LARP4: variants seen among roughly 807,000 people sequenced by gnomAD.
The protein encoded by LARP4 is la-related protein 4.
A neutral mutation model predicts 92.9 loss-of-function variants in LARP4; 29 were observed. That is an observed-to-expected ratio of 0.31 (90% CI 0.23 to 0.43). The LOEUF (loss-of-function observed/expected upper bound fraction) is 0.43. Ranked by LOEUF, LARP4 falls within the 20% of genes least tolerant of loss-of-function variation. The pLI, the probability that LARP4 is intolerant of heterozygous loss-of-function variation, is 1.00. For missense variants in LARP4, 732 were observed against 860.0 expected, an observed-to-expected ratio of 0.85 and a Z score of 1.86; for synonymous variants, 279 against 284.1, an observed-to-expected ratio of 0.98 and a Z score of 0.18.
chr12:50,475,923 A>T lies in LARP4; in HGVS notation c.*59A>T. 1.4e-6 allele frequency: 2 copies of T among 1,443,486 alleles called. No homozygotes were observed. Among genetic ancestry groups the T allele is most frequent in the Non-Finnish European group, 1.9e-6 (2 of 1,045,650 alleles). 89.4% of individuals were successfully genotyped at this position (1,443,486 alleles called of 1,614,324 possible). On this transcript the variant is annotated 3_prime_UTR_variant, in exon 16 of 16. Coordinates refer to ENST00000398473, the MANE Select transcript of LARP4 (RefSeq NM_052879.5). ...TTCCCATTAAACTTGAACTGTGGCT[A>T]TATTGAACTGTTTTGGAGGGGAGGG...
chr12:50,400,898 G>C lies in LARP4; in HGVS notation c.-113G>C, dbSNP rs774198478. 170 of 1,470,348 alleles carry C rather than the reference G, an allele frequency of 1.2e-4. No homozygotes were observed. Among genetic ancestry groups the C allele is most frequent in the Non-Finnish European group, 1.5e-4 (155 of 1,049,370 alleles). The allele number at this position is 1,470,348 out of a possible 1,614,324, so 91.1% of individuals were successfully genotyped here. A position where few individuals can be genotyped will look rare whatever the true frequency, so the allele number is the denominator to read the frequency against. On this transcript the variant is annotated 5_prime_UTR_variant, in exon 1 of 16. Coordinates refer to ENST00000398473, the MANE Select transcript of LARP4 (RefSeq NM_052879.5). ...CGGCAGGGGAGGAGCCGGGTCCACT[G>C]CCGGGTGGAGGGGCAAGGCGAGTGT...
chr12:50,415,505 A>G (rs1049210878), intron 1 of LARP4, among the ~76,000 whole-genome samples: 1 of 152,122 alleles, frequency 6.6e-6, no homozygotes, highest in Non-Finnish European at 1.5e-5. Context: ...TTGGATATTT[A>G]TAAATTAATT....
rs1423946421 is a variant in LARP4, at chr12:50,478,931, G to A, written c.*3067G>A. Reference sequence around the variant, plus strand: ...TATGTGCTGAATTTGCAGATGATCAGATGCTGTGCAGAATTCTGATTTATT... The same window carrying A: ...TATGTGCTGAATTTGCAGATGATCAAATGCTGTGCAGAATTCTGATTTATT... On this transcript the variant is annotated 3_prime_UTR_variant, in exon 16 of 16. Transcript: ENST00000398473. 1 of 152,194 alleles carries A rather than the reference G, an allele frequency of 6.6e-6. No individual in the cohort carries two copies. The highest frequency in any genetic ancestry group is 2.4e-5 in the African/African-American group (1 of 41,448). 9.4% of individuals were successfully genotyped at this position (152,194 alleles called of 1,614,324 possible).
intron 1 of LARP4, among the ~76,000 whole-genome samples, chr12:50,421,940 A>G (rs537853801): frequency 1.0e-3 from 158 of 151,160 alleles, no homozygotes; most frequent in Middle Eastern, 3.5e-3. Context: ...GGGATAATCT[A>G]TAAAAGAGAT....
At chr12:50,409,690 A>T (rs940825729) in intron 1 of LARP4, among the ~76,000 whole-genome samples, 78 of 152,068 alleles carry the variant, frequency 5.1e-4, no homozygotes, top group African/African-American at 1.8e-3. Context: ...GCTTGAACCC[A>T]GGAGGTGGAG....
intron 14 of LARP4, among the ~76,000 whole-genome samples, 158 bp downstream of exon 14, chr12:50,473,694 C>T (rs1188350215): frequency 2.7e-5 from 4 of 150,646 alleles, no homozygotes; most frequent in African/African-American, 7.3e-5. Flanking sequence ...GGTGAAACCC[C>T]GTCTCTACTA....
intron 13 of LARP4, 55 bp downstream of exon 13, chr12:50,467,175 G>A (rs1421475421): frequency 2.8e-6 from 4 of 1,409,556 alleles, no homozygotes; most frequent in Non-Finnish European, 3.9e-6. Flanking sequence ...GGCTTTATTT[G>A]CAGTGTTGTT....
chr12:50,426,723 GTGTGTGTGGTTT>G, intron 1 of LARP4, among the ~76,000 whole-genome samples: 1 of 121,452 alleles, frequency 8.2e-6, no homozygotes. Context: ...GTGTGTGTGT[GTGTGTGTGGTTT>G]TTTTTTTTTT....
At chr12:50,411,442 C>A (rs779799675) in intron 1 of LARP4, among the ~76,000 whole-genome samples, 2 of 152,008 alleles carry the variant, frequency 1.3e-5, no homozygotes, top group South Asian at 4.2e-4. Flanking sequence ...CCCTGCCTCC[C>A]GGGTTCAAGT....
At position 50,435,500 on chromosome 12, in the gene LARP4, A is replaced by C; in HGVS notation, c.411A>C (p.Ser137=). ...LEFCFSRENL[S]KDLYLISQMD... ...TTTGTTTTTTCAGAGAAAATTTGTC[A>C]AAGGATCTTTACTTGATATCTCAAA... Residue 137 remains serine, a synonymous_variant, in exon 5 of 16, where the codon TCA becomes TCC. Transcript: ENST00000398473. 1 of 1,546,994 alleles carries C rather than the reference A, an allele frequency of 6.5e-7. No homozygotes were observed. Among genetic ancestry groups the C allele is most frequent in the Non-Finnish European group, 8.9e-7 (1 of 1,125,526 alleles).
At chr12:50,407,821 A>G (rs1488013306) in intron 1 of LARP4, among the ~76,000 whole-genome samples, 2 of 152,232 alleles carry the variant, frequency 1.3e-5, no homozygotes, top group African/African-American at 4.8e-5. Flanking sequence ...ACTGTCTCAA[A>G]AAAAGGAAAA....
rs1406059764 is a variant in LARP4, at chr12:50,441,661, G to A, written c.804+18G>A. 1.3e-6 allele frequency: 2 copies of A among 1,565,950 alleles called. No homozygotes were observed. The highest frequency in any genetic ancestry group is 2.3e-5 in the East Asian group (1 of 44,326). ...CAATTATGGTAAGAAATAGAGATCA[G>A]TGTGAAACCAGAACAGGTTTTGGTT... On this transcript the variant is annotated intron_variant, in intron 8 of 15. Transcript: ENST00000398473.
intron 12 of LARP4, among the ~76,000 whole-genome samples, chr12:50,465,681 A>G (rs1380238523): frequency 1.3e-5 from 2 of 152,220 alleles, no homozygotes; most frequent in Non-Finnish European, 2.9e-5. Flanking sequence ...ATTATTCAGC[A>G]TGCTGTTTGA....
At chr12:50,426,662 T>C (rs915000382) in intron 1 of LARP4, among the ~76,000 whole-genome samples, 18 of 145,458 alleles carry the variant, frequency 1.2e-4, no homozygotes, top group Admixed American at 5.6e-4. Flanking sequence ...AACCTAGGCA[T>C]GGAACAGGGC....
chr12:50,426,253 C>G (rs1948689094), intron 1 of LARP4, among the ~76,000 whole-genome samples: 2 of 152,172 alleles, frequency 1.3e-5, no homozygotes. Flanking sequence ...GTAGGCATCC[C>G]ACCTCCAGTC....
intron 1 of LARP4, among the ~76,000 whole-genome samples, chr12:50,423,757 T>C (rs950017880): frequency 1.3e-5 from 2 of 151,340 alleles, no homozygotes; most frequent in African/African-American, 4.9e-5. Context: ...TGTAATTTTT[T>C]TTTTTTTTTT....
chr12:50,412,530 G>T (rs1256329239), intron 1 of LARP4: 5 of 490,992 alleles, frequency 1.0e-5, no homozygotes, highest in Admixed American at 6.4e-5. Flanking sequence ...CCTAACTCAT[G>T]GTTCTGTTAC....
rs571229555 is a variant in LARP4 at position 50,472,994 on chromosome 12, T to C, written c.1546-421T>C. 4.0e-4 allele frequency among the ~76,000 whole-genome samples: 61 copies of C among 152,002 alleles called. 1 individual carries two copies. The South Asian group carries it at 0.013, about 32-fold the overall frequency. ...TGCACCACCGTGCCCAGCTAATTTT[T>C]GTATTTTTAGTAGAGATGGGATTTC... On this transcript the variant is annotated intron_variant, in intron 13 of 15. Transcript: ENST00000398473.
intron 8 of LARP4, among the ~76,000 whole-genome samples, chr12:50,453,258 T>C (rs898205568): frequency 1.5e-4 from 23 of 152,054 alleles, no homozygotes; most frequent in Admixed American, 3.3e-4. Flanking sequence ...TTTTACCTTG[T>C]TTACTATGGT....
Sources: gnomAD v4.1 joint callset for allele counts (sites outside exome capture counted in the v4.1 genomes callset) on GRCh38, gnomAD v4.1.1 for gene constraint, MANE v1.5 for transcripts, NCBI Gene and HGNC (gene_info 2026-07-23, HGNC 2026-07-21) for gene names.